The following CSF1R variants were observed in gnomAD, a reference collection of about 807,000 sequenced individuals.
CSF1R encodes colony stimulating factor 1 receptor.
A neutral mutation model predicts 110.0 loss-of-function variants in CSF1R; 40 were observed. That is an observed-to-expected ratio of 0.36 (90% confidence interval 0.28 to 0.47). The LOEUF (loss-of-function observed/expected upper bound fraction) is 0.47. Among genes scored for constraint, CSF1R ranks in the 20% least tolerant of loss-of-function variants. The probability of loss-of-function intolerance (pLI) is 0.99; values close to 1 mark genes in which losing one functional copy is unlikely to be tolerated. For synonymous variants in CSF1R, 523 were observed against 503.4 expected, an observed-to-expected ratio of 1.04 and a Z score of -0.52; for missense variants, 1,052 against 1,253.0, an observed-to-expected ratio of 0.84 and a Z score of 2.42.
chr5:150,075,156 T>G (rs1054182588), intron 5 of CSF1R, among the ~76,000 whole-genome samples: 2 of 152,188 alleles, frequency 1.3e-5, no homozygotes, highest in Non-Finnish European at 2.9e-5. Context: ...TTCTTCTCTC[T>G]CCAAGTAGTC....
At chr5:150,060,808 T>TGAGATTCCCCAGAGGCCCC in intron 13 of CSF1R, 54 bp downstream of exon 13, 9 of 1,225,214 alleles carry the variant, frequency 7.3e-6, no homozygotes, top group Non-Finnish European at 1.1e-5. Flanking sequence ...CCTGGGGCCC[T>TGAGATTCCCCAGAGGCCCC]GAGATTCCCC....
In CSF1R at chr5:150,057,515, A is replaced by G. The variant is rs768704008; in HGVS notation, c.2210T>C (p.Phe737Ser). The G allele has an allele frequency of 6.2e-6, 10 of 1,614,086 alleles. No homozygotes were observed. The highest frequency in any genetic ancestry group is 2.2e-5 in the East Asian group (1 of 44,870). Residue 737 changes from phenylalanine (F) to serine (S), a missense_variant, in exon 15 of 21, where the codon TTC (phenylalanine) becomes TCC (serine). Phe to Ser is a radical substitution (Grantham distance 155). This residue lies in a region of CSF1R where 124 missense variants were observed against 117.7 expected (regional missense o/e 1.05). Coordinates refer to ENST00000675795, the MANE Select transcript of CSF1R (RefSeq NM_001288705.3). ...TGGGACCTCCTCACCTTGCTCAGAG[A>G]AGGAGTCATTTGAAGAAGTGGAGAC... Reference protein sequence around the residue: ...RPVSTSSNDSFSEQDLDKEDG... With the variant: ...RPVSTSSNDSSSEQDLDKEDG...
chr5:150,057,214 C>T (rs1757260330), intron 16 of CSF1R, 73 bp downstream of exon 16: 1 of 1,331,092 alleles, frequency 7.5e-7, no homozygotes, highest in Non-Finnish European at 1.1e-6. Context: ...TTCCTCCTCC[C>T]CATCGTCACT....
At chr5:150,057,682 A>G in intron 14 of CSF1R, 90 bp from the exon 15 acceptor site, 1 of 884,694 alleles carries the variant, frequency 1.1e-6, no homozygotes. Context: ...CCCCATGGTC[A>G]ACTGGAACCT....
At position 150,080,660 on chromosome 5, in the gene CSF1R, A is replaced by G. The variant is rs563082792; in HGVS notation, c.307+107T>C. The G allele has an allele frequency of 5.3e-5, 74 of 1,402,152 alleles. No individual in the cohort carries two copies. In the African/African-American group the frequency reaches 8.1e-4, roughly 15 times the overall value. 86.9% of individuals were successfully genotyped at this position (1,402,152 alleles called of 1,614,324 possible). On this transcript the variant is annotated intron_variant, in intron 2 of 20. Coordinates refer to ENST00000675795, the MANE Select transcript of CSF1R (RefSeq NM_001288705.3). ...CTCTTCCAGGTCCTTGCTCATAGCC[A>G]GCACTCAGTAAATGCAGAGCTGAAT... is the stretch of plus-strand genomic sequence containing the variant.
rs147072380 is a variant in CSF1R, at chr5:150,059,720, G to C, written c.2112C>G (p.Leu704=). 1 of 1,613,948 alleles carries C rather than the reference G, an allele frequency of 6.2e-7. No homozygotes were observed. Among genetic ancestry groups the C allele is most frequent in the Non-Finnish European group, 8.5e-7 (1 of 1,179,858 alleles). The change falls in exon 14 of 21, where the codon CTC becomes CTG. Residue 704 remains leucine, a synonymous_variant. Transcript: ENST00000675795. ...GCTACCTGCGGACATATTTCTTCTC[G>C]AGGTGGATGTTCTTATAGTCGACGC... ...EGGVDYKNIH[L]EKKYVRRDSG...
upstream of CSF1R, among the ~76,000 whole-genome samples, chr5:150,089,026 C>T (rs1172330662): frequency 3.9e-5 from 6 of 152,036 alleles, no homozygotes; most frequent in Admixed American, 1.3e-4. Context: ...TCATTAAAAA[C>T]AAAACAAAAC....
intron 13 of CSF1R, among the ~76,000 whole-genome samples, chr5:150,060,487 C>T (rs1757455805): frequency 6.6e-6 from 1 of 152,070 alleles, no homozygotes; most frequent in Admixed American, 6.5e-5. Flanking sequence ...AAGCCCGGGG[C>T]ACCTTTGGGG....
intron 1 of CSF1R, among the ~76,000 whole-genome samples, chr5:150,104,033 G>C (rs1354524926): frequency 3.3e-5 from 5 of 151,934 alleles, no homozygotes; most frequent in Non-Finnish European, 7.4e-5. Flanking sequence ...GGGTGGGAGG[G>C]GGGTACCTGC....
intron 2 of CSF1R, 54 bp downstream of exon 2, chr5:150,080,713 T>G: frequency 6.2e-7 from 1 of 1,601,886 alleles, no homozygotes; most frequent in Non-Finnish European, 8.5e-7. Flanking sequence ...TTAGGGCCCA[T>G]TGTAGTGGGG....
intron 1 of CSF1R, among the ~76,000 whole-genome samples, chr5:150,095,996 A>G (rs1350856001): frequency 6.6e-6 from 1 of 152,228 alleles, no homozygotes; most frequent in African/African-American, 2.4e-5. Flanking sequence ...CTATTTTTAA[A>G]AACTAAACTT....
At chr5:150,090,295 T>C (rs1264700152), upstream of CSF1R, among the ~76,000 whole-genome samples, 1 of 152,226 alleles carries the variant, frequency 6.6e-6, no homozygotes, top group African/African-American at 2.4e-5. Flanking sequence ...ATGAAAGTTG[T>C]AGTGTTTCCT....
chr5:150,072,553 C>A (rs1364330768), intron 6 of CSF1R, among the ~76,000 whole-genome samples: 2 of 152,072 alleles, frequency 1.3e-5, no homozygotes, highest in Admixed American at 6.6e-5. Flanking sequence ...ACCTGATATA[C>A]CTGGTATGAG....
intron 1 of CSF1R, among the ~76,000 whole-genome samples, chr5:150,083,795 T>G (rs1280411248): frequency 2.6e-5 from 4 of 152,200 alleles, no homozygotes; most frequent in Non-Finnish European, 5.9e-5. Context: ...AGGCAGCTCC[T>G]CTATGTTCAC....
At chr5:150,106,987 T>C (rs1759578033) in intron 1 of CSF1R, among the ~76,000 whole-genome samples, 1 of 152,230 alleles carries the variant, frequency 6.6e-6, no homozygotes, top group African/African-American at 2.4e-5. Flanking sequence ...AGGAGTTTCC[T>C]GGTAGGGCCA....
chr5:150,077,676 G>C (rs1441644731), intron 4 of CSF1R, among the ~76,000 whole-genome samples: 1 of 152,152 alleles, frequency 6.6e-6, no homozygotes, highest in Non-Finnish European at 1.5e-5. Flanking sequence ...GGAAGGGAGG[G>C]GGCTCTTAGA....
chr5:150,077,702 G>C (rs897570876), intron 4 of CSF1R, among the ~76,000 whole-genome samples: 1 of 152,164 alleles, frequency 6.6e-6, no homozygotes, highest in East Asian at 1.9e-4. Context: ...CCCAACGTGA[G>C]TCCCTCCTGG....
At chr5:150,089,196 A>G (rs1027806396), upstream of CSF1R, among the ~76,000 whole-genome samples, 1 of 152,234 alleles carries the variant, frequency 6.6e-6, no homozygotes, top group African/African-American at 2.4e-5. Context: ...TCTGTTCAAC[A>G]TAGTACTGGA....
chr5:150,109,136 T>C (rs1019573417), intron 1 of CSF1R, among the ~76,000 whole-genome samples: 12 of 145,372 alleles, frequency 8.3e-5, no homozygotes, highest in African/African-American at 2.9e-4. Flanking sequence ...GGGCTCAGCC[T>C]GCTGGCCACT....
Sources: gnomAD v4.1 joint callset for allele counts (sites outside exome capture counted in the v4.1 genomes callset) on GRCh38, gnomAD v4.1.1 for gene constraint, gnomAD v4.1.1 regional missense constraint, MANE v1.5 for transcripts, NCBI Gene and HGNC (gene_info 2026-07-23, HGNC 2026-07-21) for gene names.